MECR: variants seen among roughly 807,000 people sequenced by gnomAD.
The protein encoded by MECR is enoyl-[acyl-carrier-protein] reductase, mitochondrial.
A neutral mutation model predicts 49.1 loss-of-function variants in MECR; 37 were observed. That is an observed-to-expected ratio of 0.75 (90% CI 0.58 to 0.99). The LOEUF (loss-of-function observed/expected upper bound fraction) is 0.99, where lower values mean the gene tolerates loss of function less well. MECR is among the 50% of genes least tolerant of loss of function. MECR has a pLI of 0.00. For missense variants in MECR, 470 were observed against 479.6 expected, an observed-to-expected ratio of 0.98 and a Z score of 0.19; for synonymous variants, 198 against 191.1, an observed-to-expected ratio of 1.04 and a Z score of -0.30.
At chr1:29,184,198 T>C in the MECR span, among the ~76,000 whole-genome samples, 1 of 132,036 alleles carries the variant, frequency 7.6e-6, no homozygotes, top group Non-Finnish European at 1.6e-5. Context: ...TTTTTTGAGA[T>C]GGAGTCTTGG....
rs1682069884 is a variant in MECR at position 29,226,333 on chromosome 1, CAG to C, written c.176+4396_176+4397del. Among the ~76,000 whole-genome samples, 3 of 152,238 alleles carry C rather than the reference CAG, an allele frequency of 2.0e-5. 1 individual carries two copies. The South Asian group carries it at 6.2e-4, about 32-fold the overall frequency. On this transcript the variant is annotated intron_variant, in intron 1 of 9. Coordinates refer to ENST00000263702, the MANE Select transcript of MECR (RefSeq NM_016011.5). ...TCGGGATCCTGAAAAGGGGAGGAGA[CAG>C]AGAATGGTATTTCTAAACTTTCCCA...
chr1:29,195,414 G>A (rs1673722475), intron 9 of MECR, among the ~76,000 whole-genome samples: 1 of 152,206 alleles, frequency 6.6e-6, no homozygotes, highest in South Asian at 2.1e-4. Context: ...AGTCCTCCAG[G>A]AGATGAACAG....
At chr1:29,225,922 A>G (rs910799459) in intron 1 of MECR, among the ~76,000 whole-genome samples, 1 of 152,106 alleles carries the variant, frequency 6.6e-6, no homozygotes, top group Non-Finnish European at 1.5e-5. Context: ...TAATCCCAGC[A>G]ATTTGGGAGG....
rs145192716 is a variant in MECR at position 29,200,574 on chromosome 1, G to A, written c.772C>T (p.Arg258Trp). The A allele has an allele frequency of 8.1e-5, 130 of 1,613,706 alleles. No homozygotes were observed. The highest frequency in any genetic ancestry group is 1.6e-4 in the Middle Eastern group (1 of 6,084). Residue 258 changes from arginine to tryptophan, a missense_variant, in exon 7 of 10, where the codon CGG becomes TGG. Transcript: ENST00000263702. ...KNFFKDMPQP[R>W]LALNCVGGKS... ...CCACCAACACAGTTGAGAGCAAGCC[G>A]TGGCTGGGGCATGTCCTGGAAAACA... is the stretch of plus-strand genomic sequence containing the variant.
the MECR span, among the ~76,000 whole-genome samples, chr1:29,186,830 A>G: frequency 2.6e-5 from 4 of 152,242 alleles, no homozygotes; most frequent in African/African-American, 9.6e-5. Context: ...TTCTAGTGCC[A>G]GCTCTGCTGC....
chr1:29,219,267 CA>C (rs1404438394), intron 1 of MECR, among the ~76,000 whole-genome samples: 12 of 152,234 alleles, frequency 7.9e-5, no homozygotes, highest in African/African-American at 2.9e-4. Context: ...TTGTATTATC[CA>C]CAGTGCTTCT....
rs1683214338 is a variant in MECR, at chr1:29,230,741, T to G, written c.166A>C (p.Lys56Gln). 6.3e-7 allele frequency: 1 copy of G among 1,582,292 alleles called. No homozygotes were observed. ...GGCGCCGTCTCTTACTCGACGACCT[T>G]GGCTGGATCCCCGTGGTGCCCATAG... is the stretch of plus-strand genomic sequence containing the variant. ...LVYGHHGDPA[K>Q]VVELKNLELA... Residue 56 changes from lysine to glutamine, a missense_variant, in exon 1 of 10, where the codon AAG becomes CAG. Coordinates refer to ENST00000263702, the MANE Select transcript of MECR (RefSeq NM_016011.5).
At position 29,205,335 on chromosome 1, in the gene MECR, C is replaced by T. The variant is rs937555345; in HGVS notation, c.550+1427G>A. The stretch of plus-strand genomic sequence containing the variant: ...GAGTAGCTGGGGTCACAGGCGCTGC[C>T]ACCACGCCGGGCTAATTTTTGTATT... On this transcript the variant is annotated intron_variant, in intron 4 of 9. Coordinates refer to ENST00000263702, the MANE Select transcript of MECR (RefSeq NM_016011.5). 1.4e-4 allele frequency among the ~76,000 whole-genome samples: 21 copies of T among 151,934 alleles called. 1 individual carries two copies.
intron 9 of MECR, among the ~76,000 whole-genome samples, chr1:29,195,673 AT>A (rs1452579617): frequency 6.6e-6 from 1 of 152,184 alleles, no homozygotes; most frequent in African/African-American, 2.4e-5. Flanking sequence ...TCCAGAGTCT[AT>A]TCTCTCTGTT....
chr1:29,179,815 T>A, the MECR span, among the ~76,000 whole-genome samples: 3 of 152,242 alleles, frequency 2.0e-5, no homozygotes, highest in Non-Finnish European at 4.4e-5. Context: ...GCTTAATTTA[T>A]TCAAGAGCAG....
the MECR span, chr1:29,169,613 A>C: frequency 6.6e-6 from 1 of 152,352 alleles, no homozygotes; most frequent in African/African-American, 2.4e-5. Context: ...AGAAACTTAT[A>C]TCTCAGCAAT....
At chr1:29,228,785 T>C (rs559008546) in intron 1 of MECR, 1 of 152,314 alleles carries the variant, frequency 6.6e-6, no homozygotes, top group Admixed American at 6.5e-5. Flanking sequence ...TCAGCTGAAC[T>C]TTCCCAGGCC....
Position 29,230,773 on chromosome 1 carries a change from G to T in MECR, c.134C>A (p.Ala45Glu). The T allele has an allele frequency of 6.3e-7, 1 of 1,599,758 alleles. No homozygotes were observed. Residue 45 changes from alanine to glutamate, a missense_variant, in exon 1 of 10, where the codon GCG (alanine) becomes GAG (glutamate). By Grantham distance (107) the Ala-to-Glu change is moderately radical (BLOSUM62 -1). Coordinates refer to ENST00000263702, the MANE Select transcript of MECR (RefSeq NM_016011.5). ...ATCCCCGTGGTGCCCATAGACAAGC[G>T]CCCGGACCCGGGCAGGCTCGGCGGA... ...SASAEPARVRALVYGHHGDPA... is the reference protein window; with the variant it reads ...SASAEPARVRELVYGHHGDPA...
intron 1 of MECR, among the ~76,000 whole-genome samples, chr1:29,225,731 T>C (rs1681879694): frequency 6.6e-6 from 1 of 152,146 alleles, no homozygotes; most frequent in East Asian, 1.9e-4. Flanking sequence ...TACTAAAATG[T>C]GGGTTTAAAA....
In MECR at chr1:29,201,993, C is replaced by T; in HGVS notation, c.706G>A (p.Val236Ile). The T allele has an allele frequency of 6.2e-7, 1 of 1,614,188 alleles. No homozygotes were observed. Among genetic ancestry groups the T allele is most frequent in the Non-Finnish European group, 8.5e-7 (1 of 1,180,040 alleles). Residue 236 changes from valine (V) to isoleucine (I), a missense_variant, in exon 6 of 10, where the codon GTC becomes ATC. Val to Ile is a conservative substitution (Grantham distance 29, BLOSUM62 3). Transcript: ENST00000263702. The surrounding 1 kb of genome is among the most constrained non-coding windows in gnomAD (Gnocchi z 4.3). ...CTTCTTAGCTCCTCTTCTGTGATGACATGCTCAGCCCCCAGACTCTTCAGT... is the reference window on the plus strand; with the variant it reads ...CTTCTTAGCTCCTCTTCTGTGATGATATGCTCAGCCCCCAGACTCTTCAGT... The part of the protein sequence containing the change: ...DRLKSLGAEH[V>I]ITEEELRRPE...
intron 3 of MECR, 90 bp from the exon 4 acceptor site, chr1:29,206,995 G>C: frequency 6.9e-7 from 1 of 1,452,230 alleles, no homozygotes; most frequent in Non-Finnish European, 9.4e-7. Context: ...AAGCATCCAG[G>C]ATAGTGGGTA....
chr1:29,209,054 T>C (rs1418581446), intron 3 of MECR, among the ~76,000 whole-genome samples: 1 of 151,842 alleles, frequency 6.6e-6, no homozygotes. Flanking sequence ...ATGGGAAGAG[T>C]GGCTTGAGAC....
chr1:29,230,046 C>T (rs1360558783), intron 1 of MECR, among the ~76,000 whole-genome samples: 1 of 152,190 alleles, frequency 6.6e-6, no homozygotes, highest in Non-Finnish European at 1.5e-5. Context: ...ATACTTGGGT[C>T]TGTATGGCAC....
rs773998188 is a variant in MECR at position 29,206,944 on chromosome 1, C to G, written c.407-39G>C. ...TGAAGCCAGGATCATAAGGAAGGAG[C>G]CCTGTGCACATTCAACCCCAGCTCA... On this transcript the variant is annotated intron_variant, in intron 3 of 9. Transcript: ENST00000263702. The G allele has an allele frequency of 6.2e-6, 10 of 1,610,230 alleles. No individual in the cohort carries two copies. In the Admixed American group the frequency reaches 1.3e-4, roughly 22 times the overall value.
Sources: gnomAD v4.1 joint callset for allele counts (sites outside exome capture counted in the v4.1 genomes callset) on GRCh38, gnomAD v4.1.1 for gene constraint, Gnocchi (gnomAD v3.1) non-coding constraint, MANE v1.5 for transcripts, NCBI Gene and HGNC (gene_info 2026-07-23, HGNC 2026-07-21) for gene names.